FARP1: variants seen among roughly 807,000 people sequenced by gnomAD.
FARP1 encodes the protein FERM, ARH/RhoGEF and pleckstrin domain protein 1.
In FARP1, 52 loss-of-function variants were observed where a neutral mutation model predicts 128.8. The observed-to-expected ratio is 0.40, with a 90% CI of 0.32 to 0.51. The LOEUF is 0.51. FARP1 is among the 20% of genes least tolerant of loss of function. The pLI is 0.45. For synonymous variants in FARP1, 580 were observed against 551.8 expected, an observed-to-expected ratio of 1.05 and a Z score of -0.72; for missense variants, 1,333 against 1,367.9, an observed-to-expected ratio of 0.97 and a Z score of 0.40.
At chr13:98,447,916 C>T (rs1892953934) in intron 26 of FARP1, 1 of 386,108 alleles carries the variant, frequency 2.6e-6, no homozygotes, top group Non-Finnish European at 4.7e-6. Flanking sequence ...CCGCCATTCT[C>T]TGCCATGTCC....
chr13:98,401,964 A>G (rs1404777224), intron 13 of FARP1: 1 of 152,110 alleles, frequency 6.6e-6, no homozygotes, highest in Admixed American at 6.5e-5. Flanking sequence ...CTTGGAGTGG[A>G]GGCAGTGCAT....
intron 25 of FARP1, 132 bp downstream of exon 25, chr13:98,446,337 C>CG (rs1322099272): frequency 9.4e-6 from 6 of 641,492 alleles, no homozygotes; most frequent in South Asian, 7.6e-5. Flanking sequence ...GGGATGCTGG[C>CG]GGGGGGCCCT....
Position 98,176,516 on chromosome 13 carries a change from C to T in FARP1, c.-24+33024C>T, listed in dbSNP as rs1878046132. The T allele has an allele frequency of 1.2e-6, 2 of 1,614,072 alleles. No homozygotes were observed. The highest frequency in any genetic ancestry group is 1.7e-6 in the Non-Finnish European group (2 of 1,180,046). On this transcript the variant is annotated intron_variant, in intron 1 of 26. Transcript: ENST00000319562. This position sits in a 1 kb window ranked among gnomAD's most constrained non-coding sequence, Gnocchi z 6.2. Reference sequence around the variant, plus strand: ...TCCTCGCTTCCCACTTCATGGTTTTCGTCCTCGCAGATACAGTAGCGACCC... The same window carrying T: ...TCCTCGCTTCCCACTTCATGGTTTTTGTCCTCGCAGATACAGTAGCGACCC...
chr13:98,255,618 G>C (rs746393015), intron 2 of FARP1, among the ~76,000 whole-genome samples: 11 of 152,142 alleles, frequency 7.2e-5, no homozygotes, highest in Non-Finnish European at 1.6e-4. Flanking sequence ...TTCATGGGTT[G>C]GTTTTGAAAG....
At chr13:98,318,964 T>TG (rs1318348028) in intron 2 of FARP1, among the ~76,000 whole-genome samples, 8 of 147,462 alleles carry the variant, frequency 5.4e-5, no homozygotes, top group African/African-American at 2.0e-4. Context: ...TTTTTTTTTT[T>TG]TTTTTGTTTG....
At chr13:98,233,186 A>C (rs1037802094) in intron 2 of FARP1, among the ~76,000 whole-genome samples, 1 of 152,220 alleles carries the variant, frequency 6.6e-6, no homozygotes, top group African/African-American at 2.4e-5. Flanking sequence ...TAATGTTAAG[A>C]GGGAGTGGTG....
intron 3 of FARP1, among the ~76,000 whole-genome samples, chr13:98,357,949 C>T (rs1358523730): frequency 1.3e-5 from 2 of 152,104 alleles, no homozygotes; most frequent in East Asian, 1.9e-4. Flanking sequence ...ACTACTAAAG[C>T]GTGACTCTTC....
At chr13:98,322,655 T>C (rs1445315051) in intron 2 of FARP1, among the ~76,000 whole-genome samples, 1 of 152,186 alleles carries the variant, frequency 6.6e-6, no homozygotes, top group Non-Finnish European at 1.5e-5. Context: ...AACTCTTGTG[T>C]GATAGGAAGA....
At chr13:98,258,529 G>A (rs1883721897) in intron 2 of FARP1, among the ~76,000 whole-genome samples, 2 of 152,104 alleles carry the variant, frequency 1.3e-5, no homozygotes, top group African/African-American at 4.8e-5. Flanking sequence ...AGTATAGATT[G>A]AGGTAAAAGA....
chr13:98,379,472 T>C (rs973686544), intron 6 of FARP1, among the ~76,000 whole-genome samples: 1 of 151,678 alleles, frequency 6.6e-6, no homozygotes, highest in Non-Finnish European at 1.5e-5. Context: ...TTGGTGACCC[T>C]GGCAGCTTAC....
intron 16 of FARP1, among the ~76,000 whole-genome samples, chr13:98,421,567 A>G (rs1891594132): frequency 6.6e-6 from 1 of 152,264 alleles, no homozygotes; most frequent in Admixed American, 6.5e-5. Flanking sequence ...TTTAAGTTCC[A>G]GATAACAAGG....
intron 1 of FARP1, among the ~76,000 whole-genome samples, chr13:98,181,023 C>T (rs1240746963): frequency 1.3e-5 from 2 of 151,930 alleles, no homozygotes; most frequent in African/African-American, 4.8e-5. Flanking sequence ...TTCCTACAAA[C>T]AGAATTACAG....
At chr13:98,163,283 A>G (rs1275979633) in intron 1 of FARP1, among the ~76,000 whole-genome samples, 3 of 152,082 alleles carry the variant, frequency 2.0e-5, no homozygotes, top group Non-Finnish European at 4.4e-5. Flanking sequence ...ACTGATGGAC[A>G]CACAGAGGGG....
chr13:98,347,064 G>A lies in FARP1; in HGVS notation c.276+3198G>A, dbSNP rs115536641. Among the ~76,000 whole-genome samples the A allele has an allele frequency of 5.1e-3, 777 of 152,328 alleles. 11 individuals are homozygous for A. Among genetic ancestry groups the A allele is most frequent in the African/African-American group, 0.018 (735 of 41,580 alleles). On this transcript the variant is annotated intron_variant, in intron 3 of 26. Coordinates refer to ENST00000319562, the MANE Select transcript of FARP1 (RefSeq NM_005766.4). ...TTTGGAAGTGCCACAGGCCAGTCTT[G>A]CTTGTATGAACTGAGGAAGAGCATC...
chr13:98,273,405 A>G (rs1173641986), intron 2 of FARP1, among the ~76,000 whole-genome samples: 3 of 152,188 alleles, frequency 2.0e-5, no homozygotes, highest in Non-Finnish European at 4.4e-5. Context: ...TTTAACATTA[A>G]TGCTGGTCAG....
At chr13:98,328,082 CGCAG>C (rs1887311864) in intron 2 of FARP1, 1 of 152,170 alleles carries the variant, frequency 6.6e-6, no homozygotes, top group South Asian at 2.1e-4. Flanking sequence ...GCTGAGGACA[CGCAG>C]GCCCTCACTG....
At chr13:98,294,360 C>A (rs2139675210) in intron 2 of FARP1, among the ~76,000 whole-genome samples, 1 of 152,268 alleles carries the variant, frequency 6.6e-6, no homozygotes, top group Admixed American at 6.5e-5. Context: ...AGGGTTCAAC[C>A]ATTGATAAGA....
At chr13:98,361,279 C>A (rs190349011) in intron 3 of FARP1, among the ~76,000 whole-genome samples, 2 of 152,318 alleles carry the variant, frequency 1.3e-5, no homozygotes, top group Non-Finnish European at 2.9e-5. Context: ...TTGCAGTGTT[C>A]CCGCTGCGGA....
intron 1 of FARP1, among the ~76,000 whole-genome samples, chr13:98,182,603 A>G (rs1215020135): frequency 6.6e-6 from 1 of 152,246 alleles, no homozygotes; most frequent in Non-Finnish European, 1.5e-5. Context: ...CTGGGATTAC[A>G]GGGGTAAACC....
Sources: gnomAD v4.1 joint callset for allele counts (sites outside exome capture counted in the v4.1 genomes callset) on GRCh38, gnomAD v4.1.1 for gene constraint, Gnocchi (gnomAD v3.1) non-coding constraint, MANE v1.5 for transcripts, NCBI Gene and HGNC (gene_info 2026-07-23, HGNC 2026-07-21) for gene names.